The following FRMD4A variants were observed in gnomAD, a reference collection of about 807,000 sequenced individuals.
FRMD4A encodes the protein FERM domain-containing protein 4A.
Under a neutral mutation model 129.1 loss-of-function variants are expected in FRMD4A, and 29 were observed. The ratio of observed to expected loss-of-function variants is 0.22; its 90% CI spans 0.17 to 0.31. The LOEUF is 0.31. FRMD4A is among the 10% of genes least tolerant of loss of function. FRMD4A has a pLI of 1.00. For missense variants in FRMD4A, 1,272 were observed against 1,375.8 expected (o/e 0.92, Z 1.19); for synonymous variants, 634 against 571.6 (o/e 1.11, Z -1.56).
At chr10:13,924,210 G>A (rs2095104457) in intron 2 of FRMD4A, among the ~76,000 whole-genome samples, 1 of 152,134 alleles carries the variant, frequency 6.6e-6, no homozygotes, top group Non-Finnish European at 1.5e-5. Flanking sequence ...GCCTCCTTCA[G>A]TCTATTGTCC....
At chr10:13,937,466 A>G (rs2095258149) in intron 2 of FRMD4A, among the ~76,000 whole-genome samples, 1 of 152,194 alleles carries the variant, frequency 6.6e-6, no homozygotes, top group South Asian at 2.1e-4. Context: ...TGTTTTACCT[A>G]TACTTACAGC....
chr10:13,707,360 T>A, intron 12 of FRMD4A: 1 of 1,206,574 alleles, frequency 8.3e-7, no homozygotes, highest in Non-Finnish European at 1.0e-6. Context: ...ACAAAACAAG[T>A]TCTTTTCAAG....
intron 3 of FRMD4A, among the ~76,000 whole-genome samples, chr10:13,818,005 T>C (rs1461676318): frequency 6.6e-6 from 1 of 152,158 alleles, no homozygotes; most frequent in East Asian, 1.9e-4. Context: ...TTACCATCAC[T>C]TATATATTAT....
chr10:13,710,880 G>T (rs534522657), intron 12 of FRMD4A, among the ~76,000 whole-genome samples: 2 of 152,248 alleles, frequency 1.3e-5, no homozygotes, highest in African/African-American at 2.4e-5. Flanking sequence ...TGGGTGTAGT[G>T]GTGGGCACCT....
At chr10:13,782,770 A>T in intron 6 of FRMD4A, 152 bp downstream of exon 6, 1 of 629,546 alleles carries the variant, frequency 1.6e-6, no homozygotes. Context: ...TGGTGCCGTT[A>T]GCTTCATAAC....
At chr10:13,662,840 C>G (rs978089532) in intron 19 of FRMD4A, among the ~76,000 whole-genome samples, 2 of 152,130 alleles carry the variant, frequency 1.3e-5, no homozygotes, top group Non-Finnish European at 2.9e-5. Flanking sequence ...AAATCAATTT[C>G]TACCCTTTTC....
At chr10:13,854,368 A>G (rs1564916403) in intron 3 of FRMD4A, among the ~76,000 whole-genome samples, 1 of 152,080 alleles carries the variant, frequency 6.6e-6, no homozygotes, top group Non-Finnish European at 1.5e-5. Flanking sequence ...CGTCCTCCAG[A>G]AGGTTCCAAG....
chr10:14,075,211 T>C (rs1170257705), intron 2 of FRMD4A, among the ~76,000 whole-genome samples: 1 of 152,222 alleles, frequency 6.6e-6, no homozygotes, highest in African/African-American at 2.4e-5. Flanking sequence ...TGGTTTTTCC[T>C]TCCAGTTGTA....
chr10:13,785,234 G>A (rs1297171467), intron 5 of FRMD4A, among the ~76,000 whole-genome samples: 1 of 152,186 alleles, frequency 6.6e-6, no homozygotes, highest in Non-Finnish European at 1.5e-5. Flanking sequence ...TGAATTTGGA[G>A]TAACTTCAGA....
intron 2 of FRMD4A, among the ~76,000 whole-genome samples, chr10:14,238,430 G>T (rs1843910438): frequency 6.6e-6 from 1 of 152,126 alleles, no homozygotes; most frequent in Non-Finnish European, 1.5e-5. Context: ...CCATACCGTG[G>T]CCCATCATTT....
At chr10:14,200,230 G>A (rs1842595768) in intron 2 of FRMD4A, among the ~76,000 whole-genome samples, 1 of 150,494 alleles carries the variant, frequency 6.6e-6, no homozygotes, top group South Asian at 2.1e-4. Flanking sequence ...AATCTACTCT[G>A]ACACAACTTT....
chr10:13,742,156 G>C (rs2091043843), intron 9 of FRMD4A, among the ~76,000 whole-genome samples: 1 of 152,088 alleles, frequency 6.6e-6, no homozygotes, highest in Non-Finnish European at 1.5e-5. Context: ...GCGCCCAGCT[G>C]AAATCCTAGT....
At chr10:14,296,764 A>G (rs1228119002) in intron 2 of FRMD4A, among the ~76,000 whole-genome samples, 1 of 152,090 alleles carries the variant, frequency 6.6e-6, no homozygotes, top group East Asian at 1.9e-4. Flanking sequence ...TTTCTCCACC[A>G]TAGGATCCTC....
chr10:13,769,494 G>A (rs1240636303), intron 6 of FRMD4A, among the ~76,000 whole-genome samples: 2 of 152,058 alleles, frequency 1.3e-5, no homozygotes, highest in East Asian at 3.9e-4. Flanking sequence ...ATTTTTAATA[G>A]AGACGAGGTT....
At chr10:14,126,100 T>C (rs1838823892) in intron 2 of FRMD4A, among the ~76,000 whole-genome samples, 1 of 151,902 alleles carries the variant, frequency 6.6e-6, no homozygotes, top group Non-Finnish European at 1.5e-5. Flanking sequence ...AAAGGAAAAA[T>C]TAGGGTTTTC....
At chr10:13,737,365 C>T (rs1309241064) in intron 12 of FRMD4A, among the ~76,000 whole-genome samples, 2 of 152,214 alleles carry the variant, frequency 1.3e-5, no homozygotes, top group Non-Finnish European at 2.9e-5. Flanking sequence ...GCTAGGATTA[C>T]AGGCGTGAGC....
At chr10:14,121,993 G>A (rs1257366456) in intron 2 of FRMD4A, among the ~76,000 whole-genome samples, 2 of 152,200 alleles carry the variant, frequency 1.3e-5, no homozygotes, top group Non-Finnish European at 2.9e-5. Flanking sequence ...GCACAGAATG[G>A]TTTTCTACTA....
intron 2 of FRMD4A, among the ~76,000 whole-genome samples, chr10:14,142,443 A>C (rs1564334724): frequency 6.6e-6 from 1 of 152,242 alleles, no homozygotes; most frequent in Non-Finnish European, 1.5e-5. Flanking sequence ...GACTACTGTC[A>C]AAAATTCATC....
chr10:13,930,936 G>T (rs563427017), intron 2 of FRMD4A, among the ~76,000 whole-genome samples: 1 of 152,092 alleles, frequency 6.6e-6, no homozygotes, highest in Admixed American at 6.6e-5. Context: ...GGACTCAGAA[G>T]ATCCTCCTCC....
Sources: allele counts gnomAD v4.1 joint callset (sites outside exome capture counted in the v4.1 genomes callset), GRCh38; gene constraint gnomAD v4.1.1; transcripts MANE v1.5; gene names NCBI Gene and HGNC (gene_info 2026-07-23, HGNC 2026-07-21).